The following DNAH6 variants were observed in gnomAD, a reference collection of about 807,000 sequenced individuals.
The protein encoded by DNAH6 is dynein axonemal heavy chain 6, also known as axonemal beta dynein heavy chain 6.
Under a neutral mutation model 491.4 loss-of-function variants are expected in DNAH6, and 340 were observed. That is an observed-to-expected ratio of 0.69 (90% CI 0.63 to 0.76). DNAH6 has a LOEUF of 0.76. Among genes scored for constraint, DNAH6 ranks in the 30% least tolerant of loss-of-function variants. DNAH6 has a pLI of 0.00. For missense variants in DNAH6, 4,443 were observed against 4,972.2 expected, an observed-to-expected ratio of 0.89 and a Z score of 3.20; for synonymous variants, 1,603 against 1,686.1, an observed-to-expected ratio of 0.95 and a Z score of 1.21.
chr2:84,650,331 T>G (rs1177418446), intron 33 of DNAH6, among the ~76,000 whole-genome samples: 1 of 152,198 alleles, frequency 6.6e-6, no homozygotes, highest in Non-Finnish European at 1.5e-5. Context: ...TTCTCATTTC[T>G]TTTTTCAGAC....
chr2:84,598,623 A>G (rs563204693), intron 18 of DNAH6, among the ~76,000 whole-genome samples: 1 of 152,310 alleles, frequency 6.6e-6, no homozygotes, highest in East Asian at 1.9e-4. Context: ...TTCACTAGCA[A>G]TTTATGAGAA....
At chr2:84,549,859 G>A (rs764376637) in intron 8 of DNAH6, 30 bp from the exon 9 acceptor site, 30 of 1,553,856 alleles carry the variant, frequency 1.9e-5, no homozygotes, top group Admixed American at 7.5e-5. Flanking sequence ...ATAAGAAACC[G>A]AAATTGTATT....
At chr2:84,625,872 A>T (rs1687809973) in intron 29 of DNAH6, among the ~76,000 whole-genome samples, 1 of 152,224 alleles carries the variant, frequency 6.6e-6, no homozygotes, top group African/African-American at 2.4e-5. Context: ...AACCTCACAC[A>T]GATATGGACT....
At chr2:84,641,261 C>A (rs1028903665) in intron 32 of DNAH6, among the ~76,000 whole-genome samples, 4 of 152,196 alleles carry the variant, frequency 2.6e-5, no homozygotes, top group African/African-American at 7.2e-5. Flanking sequence ...ATCCAGGAAC[C>A]CTCTGCCTGG....
At chr2:84,712,390 C>T (rs559132366) in intron 56 of DNAH6, among the ~76,000 whole-genome samples, 2 of 152,298 alleles carry the variant, frequency 1.3e-5, no homozygotes, top group East Asian at 1.9e-4. Flanking sequence ...CCATCACATA[C>T]GTCCTGACAT....
chr2:84,796,092 A>G (rs544658740), intron 68 of DNAH6, among the ~76,000 whole-genome samples: 34 of 152,332 alleles, frequency 2.2e-4, no homozygotes, highest in African/African-American at 7.5e-4. Context: ...CAGCAAAATA[A>G]TGAGAGTAGA....
At chr2:84,781,773 A>G in intron 65 of DNAH6, 120 bp downstream of exon 65, 1 of 1,224,682 alleles carries the variant, frequency 8.2e-7, no homozygotes. Flanking sequence ...ATGAAAGAGG[A>G]GAAATTTGAG....
At chr2:84,585,121 G>A (rs1683408840) in intron 15 of DNAH6, among the ~76,000 whole-genome samples, 1 of 152,158 alleles carries the variant, frequency 6.6e-6, no homozygotes, top group Non-Finnish European at 1.5e-5. Flanking sequence ...GAAGGACTTG[G>A]CACTGTTGTT....
chr2:84,626,613 T>A (rs190686403), intron 29 of DNAH6, among the ~76,000 whole-genome samples: 2,212 of 152,346 alleles, frequency 0.015, 24 homozygotes, highest in Non-Finnish European at 0.022. Context: ...TCTCTTTTTT[T>A]ATTTTTTATT....
chr2:84,532,505 A>G (rs973034631), intron 4 of DNAH6, among the ~76,000 whole-genome samples: 1 of 152,170 alleles, frequency 6.6e-6, no homozygotes, highest in African/African-American at 2.4e-5. Flanking sequence ...TGTTATTACC[A>G]AACTCCTTTT....
intron 42 of DNAH6, among the ~76,000 whole-genome samples, chr2:84,683,358 A>G (rs142394038): frequency 9.7e-4 from 146 of 150,620 alleles, no homozygotes; most frequent in African/African-American, 3.4e-3. Context: ...TTGCTCCATA[A>G]TCTGCTTCGT....
chr2:84,731,457 G>C (rs1699106826), intron 61 of DNAH6, among the ~76,000 whole-genome samples: 1 of 152,194 alleles, frequency 6.6e-6, no homozygotes, highest in African/African-American at 2.4e-5. Context: ...CAATGGCAGA[G>C]GCAAGCTGAG....
At chr2:84,757,718 A>G (rs1674181881) in intron 63 of DNAH6, among the ~76,000 whole-genome samples, 1 of 152,254 alleles carries the variant, frequency 6.6e-6, no homozygotes, top group South Asian at 2.1e-4. Context: ...GAAAGTGGGA[A>G]GAACCATTTA....
At chr2:84,536,460 G>A (rs1677698590) in intron 4 of DNAH6, among the ~76,000 whole-genome samples, 1 of 152,076 alleles carries the variant, frequency 6.6e-6, no homozygotes, top group Non-Finnish European at 1.5e-5. Flanking sequence ...CGCTGCTGTG[G>A]ATTTGAACCT....
intron 58 of DNAH6, among the ~76,000 whole-genome samples, chr2:84,715,986 C>T (rs1048622701): frequency 6.6e-6 from 1 of 152,020 alleles, no homozygotes; most frequent in African/African-American, 2.4e-5. Flanking sequence ...CTGGTCCATA[C>T]CTGTGAAAAA....
At chr2:84,764,721 T>C (rs905885509) in intron 64 of DNAH6, among the ~76,000 whole-genome samples, 1 of 152,152 alleles carries the variant, frequency 6.6e-6, no homozygotes, top group African/African-American at 2.4e-5. Flanking sequence ...TTTAAGATAA[T>C]GGCCTCCCAC....
chr2:84,742,206 A>G (rs1241350984), intron 62 of DNAH6, among the ~76,000 whole-genome samples: 1 of 152,200 alleles, frequency 6.6e-6, no homozygotes, highest in African/African-American at 2.4e-5. Context: ...TAATATTATT[A>G]CAGCAAGCCT....
intron 31 of DNAH6, 55 bp downstream of exon 31, chr2:84,637,432 A>G (rs999078878): frequency 6.9e-7 from 1 of 1,457,726 alleles, no homozygotes; most frequent in African/African-American, 1.4e-5. Flanking sequence ...TTTATTTACC[A>G]TTCGATTCTA....
chr2:84,772,273 C>T (rs962146945), intron 64 of DNAH6, among the ~76,000 whole-genome samples: 1 of 151,782 alleles, frequency 6.6e-6, no homozygotes, highest in Non-Finnish European at 1.5e-5. Flanking sequence ...AAAAAGAAGG[C>T]AGTGATTGAG....
Sources: allele counts gnomAD v4.1 joint callset (sites outside exome capture counted in the v4.1 genomes callset), GRCh38; gene constraint gnomAD v4.1.1; transcripts MANE v1.5; gene names NCBI Gene and HGNC (gene_info 2026-07-23, HGNC 2026-07-21).